The following TTC8 variants were observed in gnomAD, a reference collection of about 807,000 sequenced individuals.
TTC8 encodes the protein tetratricopeptide repeat protein 8.
In TTC8, 47 loss-of-function variants were observed where a neutral mutation model predicts 72.5. The observed-to-expected ratio is 0.65, with a 90% CI of 0.51 to 0.83. The LOEUF is 0.83. Among genes scored for constraint, TTC8 ranks in the 40% least tolerant of loss-of-function variants. TTC8 has a pLI of 0.00. For missense variants in TTC8, 611 were observed against 623.2 expected (o/e 0.98, Z 0.21); for synonymous variants, 199 against 221.4 (o/e 0.90, Z 0.90).
In TTC8 at chr14:88,870,066, A is replaced by G. The variant is rs2094927363; in HGVS notation, c.917A>G (p.Asn306Ser). Residue 306 changes from asparagine to serine, a missense_variant, in exon 11 of 15, where the codon AAC (asparagine) becomes AGC (serine). Coordinates refer to ENST00000380656, the MANE Select transcript of TTC8 (RefSeq NM_144596.4). Reference sequence around the variant, plus strand: ...TCTCTTGATGGAGAATAGGAAATGAACAATATGTCATCAGCAGCAGAATAT... The same window carrying G: ...TCTCTTGATGGAGAATAGGAAATGAGCAATATGTCATCAGCAGCAGAATAT... Reference protein sequence around the residue: ...CGIARIYEEMNNMSSAAEYYK... With the variant: ...CGIARIYEEMSNMSSAAEYYK... The G allele has an allele frequency of 5.0e-6, 8 of 1,613,966 alleles. No individual in the cohort carries two copies. The highest frequency in any genetic ancestry group is 6.8e-6 in the Non-Finnish European group (8 of 1,179,920).
chr14:88,841,217 C>T (rs756108424), intron 5 of TTC8, 21 bp downstream of exon 5: 100 of 1,613,708 alleles, frequency 6.2e-5, no homozygotes, highest in Non-Finnish European at 8.2e-5. Flanking sequence ...TCAGCTTTCC[C>T]ATAGCCTTGT....
intron 1 of TTC8, among the ~76,000 whole-genome samples, chr14:88,828,943 G>T (rs573036338): frequency 6.6e-6 from 1 of 152,282 alleles, no homozygotes; most frequent in South Asian, 2.1e-4. Context: ...TAGCCAGAGA[G>T]GTATGATGTA....
At position 88,831,003 on chromosome 14, in the gene TTC8, T is replaced by C; in HGVS notation, c.115-2690T>C. 6.8e-6 allele frequency: 3 copies of C among 439,114 alleles called. No individual in the cohort carries two copies. In the Admixed American group the frequency reaches 7.7e-5, roughly 11 times the overall value. The allele number at this position is 439,114 out of a possible 1,614,324, so 27.2% of individuals were successfully genotyped here. A position where few individuals can be genotyped will look rare whatever the true frequency, so the allele number is the denominator to read the frequency against. ...AGAGTCCTGCTCTGGGCCCAGAGTG[T>C]CTAGGTTCAAATACTGCCTCTATAC... is the stretch of plus-strand genomic sequence containing the variant. On this transcript the variant is annotated intron_variant, in intron 1 of 14. Transcript: ENST00000380656.
intron 7 of TTC8, among the ~76,000 whole-genome samples, chr14:88,845,989 G>T (rs1197727125): frequency 6.6e-6 from 1 of 151,938 alleles, no homozygotes; most frequent in East Asian, 1.9e-4. Flanking sequence ...ATGCTATTTT[G>T]GATGGAGGGG....
chr14:88,850,797 G>A lies in TTC8; in HGVS notation c.625-2174G>A, dbSNP rs372901642. The stretch of plus-strand genomic sequence containing the variant: ...AGAGGTTTATTCTGAGTCAATATGC[G>A]TGACCTCGGTCTGGGGATACACAGT... On this transcript the variant is annotated intron_variant, in intron 7 of 14. Coordinates refer to ENST00000380656, the MANE Select transcript of TTC8 (RefSeq NM_144596.4). Among the ~76,000 whole-genome samples the A allele has an allele frequency of 9.8e-5, 15 of 152,318 alleles. No homozygotes were observed. In the South Asian group the frequency reaches 1.0e-3, roughly 11 times the overall value.
intron 11 of TTC8, among the ~76,000 whole-genome samples, chr14:88,870,900 G>T (rs2094930909): frequency 6.6e-6 from 1 of 152,142 alleles, no homozygotes; most frequent in South Asian, 2.1e-4. Flanking sequence ...CCCCAAAGTG[G>T]GTCATGGGTT....
intron 9 of TTC8, among the ~76,000 whole-genome samples, chr14:88,859,228 G>A (rs1022000714): frequency 1.3e-5 from 2 of 152,036 alleles, no homozygotes; most frequent in African/African-American, 4.8e-5. Context: ...TATGTTCATT[G>A]CAGCACTATT....
At chr14:88,841,403 G>T (rs773194739) in intron 5 of TTC8, 22 bp from the exon 6 acceptor site, 1 of 1,610,398 alleles carries the variant, frequency 6.2e-7, no homozygotes, top group Admixed American at 1.7e-5. Flanking sequence ...AGATCTCTTG[G>T]TCTATTGTTT....
chr14:88,830,082 C>T (rs577752866), intron 1 of TTC8, among the ~76,000 whole-genome samples: 2 of 152,294 alleles, frequency 1.3e-5, no homozygotes, highest in African/African-American at 4.8e-5. Flanking sequence ...TAAACTTTTT[C>T]CCCCTTCTTT....
intron 2 of TTC8, among the ~76,000 whole-genome samples, chr14:88,838,464 G>A (rs1468655383): frequency 2.6e-5 from 4 of 152,070 alleles, no homozygotes; most frequent in African/African-American, 9.7e-5. Context: ...CTGCTTGACA[G>A]CCATATATTC....
intron 10 of TTC8, among the ~76,000 whole-genome samples, chr14:88,862,556 A>T (rs1266747560): frequency 4.0e-5 from 1 of 24,802 alleles, no homozygotes; most frequent in South Asian, 1.6e-3. Flanking sequence ...ATATATATAT[A>T]TATATATATA....
intron 10 of TTC8, among the ~76,000 whole-genome samples, chr14:88,862,541 C>CATATATATATCTATAT (rs2094890902): frequency 4.2e-5 from 1 of 23,796 alleles, no homozygotes; most frequent in African/African-American, 1.3e-4. Flanking sequence ...TCTCTCTCTC[C>CATATATATATCTATAT]ATATATATAT....
upstream of TTC8, among the ~76,000 whole-genome samples, chr14:88,824,399 G>A (rs1005899591): frequency 6.6e-6 from 1 of 152,148 alleles, no homozygotes; most frequent in South Asian, 2.1e-4. Flanking sequence ...TGGGAGGGTG[G>A]GGGACCCCAG....
rs1290688703 is a variant in TTC8, at chr14:88,846,627, TG to T, written c.624+2779del. On this transcript the variant is annotated intron_variant, in intron 7 of 14. Transcript: ENST00000380656. ...ATCTTGAAGATGTAGTTCTACATCT[TG>T]GAATTTACCCATTCTTATTGAGGAA... The T allele has an allele frequency of 2.1e-5, 31 of 1,471,080 alleles. No homozygotes were observed. The highest frequency in any genetic ancestry group is 2.8e-5 in the Non-Finnish European group (30 of 1,090,864). The allele number at this position is 1,471,080 out of a possible 1,614,324, so 91.1% of individuals were successfully genotyped here. A position where few individuals can be genotyped will look rare whatever the true frequency, so the allele number is the denominator to read the frequency against.
At chr14:88,834,717 A>G (rs994970168) in intron 2 of TTC8, among the ~76,000 whole-genome samples, 2 of 151,908 alleles carry the variant, frequency 1.3e-5, no homozygotes, top group Admixed American at 6.6e-5. Flanking sequence ...TTTGCATAAT[A>G]TGGGTACAAG....
chr14:88,861,123 A>G (rs2094884063), intron 9 of TTC8, 99 bp from the exon 10 acceptor site: 1 of 936,808 alleles, frequency 1.1e-6, no homozygotes, highest in South Asian at 1.5e-5. Context: ...TTAATGTAAT[A>G]TCTAGGAGAT....
Position 88,853,129 on chromosome 14 carries a change from G to T in TTC8, c.710+73G>T, listed in dbSNP as rs931432817. ...GGGTCTCAAATCTGATACTTTTTGAGGGGGGGGAGATTTTCCCATGAAGAA... is the reference window on the plus strand; with the variant it reads ...GGGTCTCAAATCTGATACTTTTTGATGGGGGGGAGATTTTCCCATGAAGAA... On this transcript the variant is annotated intron_variant, in intron 8 of 14. Transcript: ENST00000380656. The T allele has an allele frequency of 6.6e-5, 69 of 1,050,840 alleles. No homozygotes were observed. The African/African-American group carries it at 7.8e-4, about 12-fold the overall frequency. The allele number at this position is 1,050,840 out of a possible 1,614,324, so 65.1% of individuals were successfully genotyped here. A position where few individuals can be genotyped will look rare whatever the true frequency, so the allele number is the denominator to read the frequency against.
chr14:88,852,570 C>T (rs1418803712), intron 7 of TTC8, among the ~76,000 whole-genome samples: 1 of 152,160 alleles, frequency 6.6e-6, no homozygotes, highest in African/African-American at 2.4e-5. Context: ...AAAGTGGGCA[C>T]TGCCACTGGA....
intron 2 of TTC8, among the ~76,000 whole-genome samples, chr14:88,838,158 T>G (rs1057274429): frequency 1.3e-5 from 2 of 152,202 alleles, no homozygotes; most frequent in Non-Finnish European, 2.9e-5. Flanking sequence ...AAAATGTTCA[T>G]AGAATGCATT....
Sources: gnomAD v4.1 joint callset for allele counts (sites outside exome capture counted in the v4.1 genomes callset) on GRCh38, gnomAD v4.1.1 for gene constraint, MANE v1.5 for transcripts, NCBI Gene and HGNC (gene_info 2026-07-23, HGNC 2026-07-21) for gene names.